LASP1: variants seen among roughly 807,000 people sequenced by gnomAD.
The protein encoded by LASP1 is LIM and SH3 domain protein 1.
A neutral mutation model predicts 38.6 loss-of-function variants in LASP1; 10 were observed. The ratio of observed to expected loss-of-function variants is 0.26; its 90% CI spans 0.16 to 0.44. LASP1 has a LOEUF of 0.44. Ranked by LOEUF, LASP1 falls within the 20% of genes least tolerant of loss-of-function variation. The pLI is 1.00. For missense variants in LASP1, 243 were observed against 375.7 expected (o/e 0.65, Z 2.92); for synonymous variants, 132 against 140.8 (o/e 0.94, Z 0.44).
Position 38,918,898 on chromosome 17 carries a change from C to T in LASP1, c.*120C>T, listed in dbSNP as rs1915216228. Reference sequence around the variant, plus strand: ...AACCTGCGACAGCTTGTGATTCCTACCCCTCTTCCAGCTTCTTTTGCCAAC... The same window carrying T: ...AACCTGCGACAGCTTGTGATTCCTATCCCTCTTCCAGCTTCTTTTGCCAAC... On this transcript the variant is annotated 3_prime_UTR_variant, in exon 7 of 7. Transcript: ENST00000318008. The surrounding 1 kb of genome is among the most constrained non-coding windows in gnomAD (Gnocchi z 4.4). 1 of 1,140,722 alleles carries T rather than the reference C, an allele frequency of 8.8e-7. No homozygotes were observed. The highest frequency in any genetic ancestry group is 1.5e-5 in the South Asian group (1 of 66,248). 70.7% of individuals were successfully genotyped at this position (1,140,722 alleles called of 1,614,324 possible). A position where few individuals can be genotyped will look rare whatever the true frequency, so the allele number is the denominator to read the frequency against.
intron 3 of LASP1, among the ~76,000 whole-genome samples, chr17:38,892,665 C>G (rs556813552): frequency 6.6e-6 from 1 of 152,300 alleles, no homozygotes; most frequent in South Asian, 2.1e-4. Context: ...CTCTTTTTGC[C>G]CCGGCACCCT....
intron 3 of LASP1, among the ~76,000 whole-genome samples, chr17:38,892,276 C>A (rs1914351109): frequency 6.6e-6 from 1 of 152,144 alleles, no homozygotes. Flanking sequence ...AAGTCTGGGG[C>A]CCTTGATGCT....
chr17:38,917,374 T>C (rs1161827759), intron 6 of LASP1, among the ~76,000 whole-genome samples: 4 of 152,150 alleles, frequency 2.6e-5, no homozygotes, highest in African/African-American at 9.7e-5. Flanking sequence ...TAGAATGTTG[T>C]CTATAGCTAT....
At position 38,890,474 on chromosome 17, in the gene LASP1, C is replaced by T; in HGVS notation, c.219C>T (p.Arg73=). Residue 73 remains arginine, a synonymous_variant, in exon 3 of 7, where the codon CGC becomes CGT. Coordinates refer to ENST00000318008, the MANE Select transcript of LASP1 (RefSeq NM_006148.4). The part of the protein sequence containing the change: ...TMVADTPENL[R]LKQQSELQSQ... Reference sequence around the variant, plus strand: ...TGGCGGACACCCCGGAAAACCTTCGCCTCAAGCAACAGAGTGAGCTCCAGA... The same window carrying T: ...TGGCGGACACCCCGGAAAACCTTCGTCTCAAGCAACAGAGTGAGCTCCAGA... The T allele has an allele frequency of 1.2e-6, 2 of 1,614,028 alleles. No individual in the cohort carries two copies. Among genetic ancestry groups the T allele is most frequent in the Non-Finnish European group, 1.7e-6 (2 of 1,180,036 alleles).
chr17:38,910,194 G>A (rs1169636747), intron 4 of LASP1, among the ~76,000 whole-genome samples: 2 of 152,224 alleles, frequency 1.3e-5, no homozygotes, highest in South Asian at 2.1e-4. Context: ...GGAGTATGCC[G>A]TCAGAATATT....
At chr17:38,878,834 C>T (rs981277789) in intron 2 of LASP1, among the ~76,000 whole-genome samples, 6 of 152,110 alleles carry the variant, frequency 3.9e-5, no homozygotes, top group Non-Finnish European at 8.8e-5. Flanking sequence ...GAGACTGTTT[C>T]TTTTGAGTAT....
chr17:38,903,499 A>G (rs1461433271), intron 4 of LASP1, among the ~76,000 whole-genome samples: 2 of 152,066 alleles, frequency 1.3e-5, no homozygotes, highest in Non-Finnish European at 2.9e-5. Flanking sequence ...AGCTGGTACT[A>G]CAGGCATATA....
intron 2 of LASP1, among the ~76,000 whole-genome samples, chr17:38,880,739 C>T (rs1253490217): frequency 6.6e-6 from 1 of 152,180 alleles, no homozygotes; most frequent in African/African-American, 2.4e-5. Flanking sequence ...CTGGGATGAA[C>T]CAGGTGTGGC....
intron 3 of LASP1, among the ~76,000 whole-genome samples, chr17:38,896,478 G>T (rs566043757): frequency 5.3e-5 from 8 of 152,196 alleles, no homozygotes; most frequent in African/African-American, 4.8e-5. Context: ...CAACAGGGAG[G>T]GGGAGGCAGA....
chr17:38,908,780 C>T (rs1914843481), intron 4 of LASP1, among the ~76,000 whole-genome samples: 1 of 152,262 alleles, frequency 6.6e-6, no homozygotes, highest in Admixed American at 6.5e-5. Flanking sequence ...GCAGGAGCAG[C>T]AACCATGCAG....
At chr17:38,871,428 C>A (rs1354629334) in intron 1 of LASP1, among the ~76,000 whole-genome samples, 1 of 152,052 alleles carries the variant, frequency 6.6e-6, no homozygotes, top group African/African-American at 2.4e-5. Context: ...CCACCCAAAG[C>A]TGGCTCCAAG....
chr17:38,909,258 C>T (rs1190619242), intron 4 of LASP1, among the ~76,000 whole-genome samples: 1 of 152,150 alleles, frequency 6.6e-6, no homozygotes, highest in East Asian at 1.9e-4. Flanking sequence ...CACTCAAACC[C>T]TGAACCCTCA....
At chr17:38,881,785 T>TG (rs1913960012) in intron 2 of LASP1, among the ~76,000 whole-genome samples, 1 of 152,220 alleles carries the variant, frequency 6.6e-6, no homozygotes, top group Non-Finnish European at 1.5e-5. Context: ...GAGGCCTCTA[T>TG]GTTCTGCCTG....
At chr17:38,898,140 T>C (rs1022466697) in intron 3 of LASP1, among the ~76,000 whole-genome samples, 56 of 152,334 alleles carry the variant, frequency 3.7e-4, no homozygotes, top group Non-Finnish European at 1.8e-4. Context: ...CGTGGCTATA[T>C]GTATGGTGGG....
chr17:38,903,560 A>T (rs901466867), intron 4 of LASP1: 1 of 152,102 alleles, frequency 6.6e-6, no homozygotes, highest in East Asian at 1.9e-4. Flanking sequence ...GGGTCTTGCT[A>T]TGCTGCCCAG....
chr17:38,893,588 C>T (rs189359067), intron 3 of LASP1, among the ~76,000 whole-genome samples: 13 of 152,230 alleles, frequency 8.5e-5, no homozygotes, highest in Middle Eastern at 3.4e-3. Context: ...AAGGGTACTG[C>T]CCTTTTTGCA....
rs375330746 is a variant in LASP1 at position 38,918,788 on chromosome 17, G to A, written c.*10G>A. The A allele has an allele frequency of 1.2e-4, 189 of 1,612,788 alleles. No individual in the cohort carries two copies. The highest frequency in any genetic ancestry group is 1.5e-4 in the Non-Finnish European group (175 of 1,179,840). ...CGTGGAGGCCATCTGAACCCGCAGC[G>A]CCCCCATCTGTCTTCAGCACATTCC... On this transcript the variant is annotated 3_prime_UTR_variant, in exon 7 of 7. Transcript: ENST00000318008. This position sits in a 1 kb window ranked among gnomAD's most constrained non-coding sequence, Gnocchi z 4.4.
At chr17:38,876,567 T>G (rs1207661071) in intron 1 of LASP1, among the ~76,000 whole-genome samples, 1 of 151,912 alleles carries the variant, frequency 6.6e-6, no homozygotes, top group East Asian at 1.9e-4. Context: ...TTTCACCATG[T>G]TGGCCAGGCT....
At position 38,921,369 on chromosome 17, in the gene LASP1, T is replaced by G. The variant is rs907867951; in HGVS notation, c.*2591T>G. 4.3e-6 allele frequency: 1 copy of G among 232,664 alleles called. No homozygotes were observed. Among genetic ancestry groups the G allele is most frequent in the African/African-American group, 2.2e-5 (1 of 45,316 alleles). 14.4% of individuals were successfully genotyped at this position (232,664 alleles called of 1,614,324 possible). A position where few individuals can be genotyped will look rare whatever the true frequency, so the allele number is the denominator to read the frequency against. On this transcript the variant is annotated 3_prime_UTR_variant, in exon 7 of 7. Transcript: ENST00000318008. ...GCGTTCTCCCAGCACTGCCTCCTGT[T>G]TTCTCCCTCTCATGTCCCTCCAGGG... is the stretch of plus-strand genomic sequence containing the variant.
Sources: gnomAD v4.1 joint callset for allele counts (sites outside exome capture counted in the v4.1 genomes callset) on GRCh38, gnomAD v4.1.1 for gene constraint, Gnocchi (gnomAD v3.1) non-coding constraint, MANE v1.5 for transcripts, NCBI Gene and HGNC (gene_info 2026-07-23, HGNC 2026-07-21) for gene names.